Variants in FHDC1 observed in about 807,000 individuals in gnomAD.
The protein encoded by FHDC1 is FH2 domain-containing protein 1.
FHDC1 carries 25 observed loss-of-function variants against 52.6 expected under a neutral mutation model. That is an observed-to-expected ratio of 0.48 (90% confidence interval 0.35 to 0.66). FHDC1 has a LOEUF of 0.66. FHDC1 is among the 30% of genes least tolerant of loss of function. The probability of loss-of-function intolerance (pLI) is 0.01; values close to 1 mark genes in which losing one functional copy is unlikely to be tolerated. For synonymous variants in FHDC1, 616 were observed against 581.5 expected (o/e 1.06, Z -0.85); for missense variants, 1,459 against 1,452.8 (o/e 1.00, Z -0.07).
intron 4 of FHDC1, 78 bp downstream of exon 4, chr4:152,954,397 AC>A: frequency 8.2e-7 from 1 of 1,221,840 alleles, no homozygotes; most frequent in Non-Finnish European, 1.2e-6. Context: ...GTCAAAGCTC[AC>A]ATGGAAGGCC....
chr4:152,968,206 T>C (rs1269761260), intron 10 of FHDC1, 109 bp downstream of exon 10: 1 of 726,966 alleles, frequency 1.4e-6, no homozygotes, highest in Non-Finnish European at 2.3e-6. Context: ...CCCATTCATA[T>C]TTTTTTTCTC....
chr4:152,946,176 G>A (rs976004805), intron 2 of FHDC1, among the ~76,000 whole-genome samples: 7 of 152,192 alleles, frequency 4.6e-5, no homozygotes, highest in Admixed American at 2.6e-4. Context: ...GAATAATGCC[G>A]CTGTGTACAT....
intron 2 of FHDC1, among the ~76,000 whole-genome samples, chr4:152,947,332 A>C (rs1035221883): frequency 1.3e-5 from 2 of 152,226 alleles, no homozygotes; most frequent in African/African-American, 4.8e-5. Context: ...TGATGGTATA[A>C]TAATAATTAA....
the FHDC1 span, among the ~76,000 whole-genome samples, chr4:152,926,579 TAAAA>T: frequency 5.8e-3 from 751 of 129,064 alleles, 4 homozygotes; most frequent in African/African-American, 0.02. Context: ...CTTGGTTAGT[TAAAA>T]AAAAAAAAAA....
intron 9 of FHDC1, among the ~76,000 whole-genome samples, chr4:152,966,030 T>C (rs985303916): frequency 6.6e-6 from 1 of 152,246 alleles, no homozygotes; most frequent in African/African-American, 2.4e-5. Flanking sequence ...TACAGATCTC[T>C]AGATTGTTCT....
At position 152,945,512 on chromosome 4, in the gene FHDC1, A is replaced by C. The variant is rs569960638; in HGVS notation, c.498+1957A>C. 7.9e-4 allele frequency among the ~76,000 whole-genome samples: 121 copies of C among 152,320 alleles called. 4 individuals are homozygous for C. The highest frequency in any genetic ancestry group is 1.6e-3 in the Admixed American group (25 of 15,296). Reference sequence around the variant, plus strand: ...CATTCTGTCACCCAGGCTGGAGTACAGTGGTGCACTCTTGGCTCACTGCAA... The same window carrying C: ...CATTCTGTCACCCAGGCTGGAGTACCGTGGTGCACTCTTGGCTCACTGCAA... On this transcript the variant is annotated intron_variant, in intron 2 of 11. Transcript: ENST00000511601.
At chr4:152,913,425 A>G in the FHDC1 span, among the ~76,000 whole-genome samples, 1 of 152,262 alleles carries the variant, frequency 6.6e-6, no homozygotes, top group Non-Finnish European at 1.5e-5. Flanking sequence ...GTTAATTGAA[A>G]GAATAATGTA....
At chr4:152,970,145 CTCTT>C (rs1249298536) in intron 10 of FHDC1, among the ~76,000 whole-genome samples, 2 of 152,208 alleles carry the variant, frequency 1.3e-5, no homozygotes, top group African/African-American at 4.8e-5. Context: ...AAGTGGGGAA[CTCTT>C]CAAGGATTCA....
At chr4:152,924,865 G>A in the FHDC1 span, among the ~76,000 whole-genome samples, 5 of 113,004 alleles carry the variant, frequency 4.4e-5, no homozygotes, top group African/African-American at 1.7e-4. Flanking sequence ...CTGTTGTGGG[G>A]TGGGGGGAGG....
At chr4:152,956,849 C>A (rs1181650359) in intron 4 of FHDC1, among the ~76,000 whole-genome samples, 1 of 152,208 alleles carries the variant, frequency 6.6e-6, no homozygotes, top group African/African-American at 2.4e-5. Flanking sequence ...ACCACACCCT[C>A]CAAACTCAAC....
At chr4:152,930,049 C>G in the FHDC1 span, among the ~76,000 whole-genome samples, 1 of 152,186 alleles carries the variant, frequency 6.6e-6, no homozygotes, top group Non-Finnish European at 1.5e-5. Context: ...GCACTCCCTC[C>G]CTGCCCCCAA....
chr4:152,976,026 G>A lies in FHDC1; in HGVS notation c.2735G>A (p.Ser912Asn). Residue 912 changes from serine (S) to asparagine (N), a missense_variant, in exon 12 of 12, where the codon AGC becomes AAC. Ser to Asn is a conservative substitution (Grantham distance 46). This residue lies in a region of FHDC1 where 939 missense variants were observed against 854.5 expected (regional missense o/e 1.10). Coordinates refer to ENST00000511601, the MANE Select transcript of FHDC1 (RefSeq NM_001371116.1). The part of the protein sequence containing the change: ...MRKVMPITKS[S>N]RGAGWRRPEL... ...AAGGTCATGCCCATCACCAAGTCCA[G>A]CAGAGGCGCCGGCTGGAGGCGACCA... is the stretch of plus-strand genomic sequence containing the variant. 1 of 1,561,038 alleles carries A rather than the reference G, an allele frequency of 6.4e-7. No homozygotes were observed. The highest frequency in any genetic ancestry group is 8.6e-7 in the Non-Finnish European group (1 of 1,157,712).
At chr4:152,971,859 C>T (rs978366979) in intron 10 of FHDC1, among the ~76,000 whole-genome samples, 5 of 152,076 alleles carry the variant, frequency 3.3e-5, no homozygotes, top group Non-Finnish European at 7.4e-5. Context: ...GGGTTTTGGT[C>T]CTGTGGGGGT....
chr4:152,969,328 A>C (rs894880470), intron 10 of FHDC1, among the ~76,000 whole-genome samples: 2 of 152,220 alleles, frequency 1.3e-5, no homozygotes, highest in African/African-American at 2.4e-5. Context: ...CTCTGCTGTG[A>C]GTTTATTTTT....
Position 152,945,036 on chromosome 4 carries a change from A to G in FHDC1, c.498+1481A>G, listed in dbSNP as rs531635918. ...GTGGAAATGAGGCCTGTGTCTCAGCAGAGCACCTGTAATAGAAGAGGGCTA... is the reference window on the plus strand; with the variant it reads ...GTGGAAATGAGGCCTGTGTCTCAGCGGAGCACCTGTAATAGAAGAGGGCTA... On this transcript the variant is annotated intron_variant, in intron 2 of 11. Coordinates refer to ENST00000511601, the MANE Select transcript of FHDC1 (RefSeq NM_001371116.1). Among the ~76,000 whole-genome samples, 37 of 152,384 alleles carry G rather than the reference A, an allele frequency of 2.4e-4. 1 individual carries two copies. In the South Asian group the frequency reaches 7.3e-3, roughly 30 times the overall value.
At chr4:152,927,607 A>G in the FHDC1 span, 3 of 1,607,136 alleles carry the variant, frequency 1.9e-6, no homozygotes, top group South Asian at 1.1e-5. Flanking sequence ...CTCGATCTCT[A>G]TATGAAAGGC....
the FHDC1 span, among the ~76,000 whole-genome samples, chr4:152,917,344 C>T: frequency 1.3e-5 from 2 of 152,066 alleles, no homozygotes; most frequent in Non-Finnish European, 2.9e-5. Flanking sequence ...TATTTATACA[C>T]TGGTAATTTT....
chr4:152,916,000 C>T, the FHDC1 span, among the ~76,000 whole-genome samples: 31 of 152,146 alleles, frequency 2.0e-4, no homozygotes, highest in South Asian at 1.7e-3. Flanking sequence ...AAGTATTTTA[C>T]CTTAAATTCC....
intron 9 of FHDC1, among the ~76,000 whole-genome samples, chr4:152,965,397 T>G (rs868603): frequency 0.065 from 9,884 of 152,232 alleles, 344 homozygotes; most frequent in Non-Finnish European, 0.082. Flanking sequence ...AAAGAGTTTG[T>G]AACCGTACCA....
Sources: gnomAD v4.1 joint callset for allele counts (sites outside exome capture counted in the v4.1 genomes callset) on GRCh38, gnomAD v4.1.1 for gene constraint, gnomAD v4.1.1 regional missense constraint, MANE v1.5 for transcripts, NCBI Gene and HGNC (gene_info 2026-07-23, HGNC 2026-07-21) for gene names.